Variants in IL13RA1 observed in about 807,000 individuals in gnomAD.
IL13RA1 encodes the protein interleukin-13 receptor subunit alpha-1.
IL13RA1 carries 14 observed loss-of-function variants against 33.8 expected under a neutral mutation model. That is an observed-to-expected ratio of 0.41 (90% CI 0.27 to 0.65). IL13RA1 has a LOEUF of 0.65. Among genes scored for constraint, IL13RA1 ranks in the 30% least tolerant of loss-of-function variants. IL13RA1 has a pLI of 0.28. For synonymous variants in IL13RA1, 116 were observed against 115.7 expected (o/e 1.00, Z -0.02); for missense variants, 313 against 327.0 (o/e 0.96, Z 0.33).
the IL13RA1 span, among the ~76,000 whole-genome samples, chrX:118,802,736 GA>G: frequency 1.8e-5 from 2 of 111,861 alleles, no homozygotes; most frequent in African/African-American, 6.5e-5. Context: ...GAAAATGGGG[GA>G]AAAAACAGAA....
chrX:118,784,040 C>T (rs113252239), intron 10 of IL13RA1, among the ~76,000 whole-genome samples: 11 of 89,584 alleles, frequency 1.2e-4, no homozygotes, highest in African/African-American at 4.3e-4. Context: ...TGAGCCACTG[C>T]ACTCCAGCCT....
At chrX:118,738,730 A>G (rs2017310186) in intron 1 of IL13RA1, among the ~76,000 whole-genome samples, 1 of 104,816 alleles carries the variant, frequency 9.5e-6, no homozygotes, top group South Asian at 4.3e-4. Flanking sequence ...TCCTTTGGGT[A>G]TATATCAAGT....
At chrX:118,798,281 T>C (rs190495185), downstream of IL13RA1, among the ~76,000 whole-genome samples, 33 of 107,238 alleles carry the variant, frequency 3.1e-4, no homozygotes, top group Non-Finnish European at 5.7e-4. Flanking sequence ...ACTGTACCAT[T>C]AATTATATTT....
chrX:118,761,022 G>A, intron 5 of IL13RA1, 116 bp from the exon 6 acceptor site: 7 of 417,262 alleles, frequency 1.7e-5, no homozygotes, highest in Non-Finnish European at 2.1e-5. Context: ...AATATTTTCA[G>A]TTCATGGTTG....
chrX:118,803,687 A>C, the IL13RA1 span, among the ~76,000 whole-genome samples: 1 of 111,304 alleles, frequency 9.0e-6, no homozygotes, highest in African/African-American at 3.3e-5. Flanking sequence ...CAGGGGTGAG[A>C]ATTTGGGAAC....
chrX:118,734,346 A>G (rs189681891), intron 1 of IL13RA1, among the ~76,000 whole-genome samples: 1 of 111,886 alleles, frequency 8.9e-6, no homozygotes, highest in East Asian at 2.8e-4. Context: ...TGCTCTGGGT[A>G]GAACTTCAAG....
chrX:118,761,521 A>C, intron 6 of IL13RA1: 1 of 251,966 alleles, frequency 4.0e-6, no homozygotes, highest in South Asian at 1.5e-4. Flanking sequence ...AGAAAGGCCT[A>C]TTAAACGATA....
chrX:118,760,099 G>A (rs915074479), intron 5 of IL13RA1, among the ~76,000 whole-genome samples: 9 of 112,150 alleles, frequency 8.0e-5, no homozygotes, highest in Non-Finnish European at 1.5e-4. Flanking sequence ...AACATTTTAA[G>A]TGTACAGTTC....
chrX:118,746,009 T>G (rs1384455385), intron 2 of IL13RA1, among the ~76,000 whole-genome samples: 2 of 111,997 alleles, frequency 1.8e-5, no homozygotes, highest in Non-Finnish European at 3.8e-5. Flanking sequence ...TGTTTGAAAT[T>G]TATACATATA....
chrX:118,741,166 C>T lies in IL13RA1; in HGVS notation c.228+10C>T, dbSNP rs370289151. ...CGACAAACAAGATAAGGTAAGTTTT[C>T]TGCAACATGTTACATTGATGAGGTA... On this transcript the variant is annotated intron_variant, in intron 2 of 10. Coordinates refer to ENST00000371666, the MANE Select transcript of IL13RA1 (RefSeq NM_001560.3). 102 of 1,104,300 alleles carry T rather than the reference C, an allele frequency of 9.2e-5. No homozygotes were observed. The highest frequency in any genetic ancestry group is 4.8e-4 in the Middle Eastern group (2 of 4,127). The allele number at this position is 1,104,300 out of a possible 1,213,427, so 91.0% of individuals were successfully genotyped here.
intron 1 of IL13RA1, among the ~76,000 whole-genome samples, chrX:118,736,196 T>G: frequency 8.9e-6 from 1 of 111,861 alleles, no homozygotes; most frequent in East Asian, 2.8e-4. Flanking sequence ...CTCCACATCT[T>G]CCTTTAGTTC....
At chrX:118,798,850 T>C (rs748515224), downstream of IL13RA1, among the ~76,000 whole-genome samples, 30 of 112,832 alleles carry the variant, frequency 2.7e-4, no homozygotes, top group East Asian at 8.5e-3. Context: ...GCTCCCACTT[T>C]GGCGGCACTT....
At chrX:118,774,858 TTTCAACATTTA>T (rs1221313007) in intron 9 of IL13RA1, among the ~76,000 whole-genome samples, 1 of 111,703 alleles carries the variant, frequency 9.0e-6, no homozygotes, top group Non-Finnish European at 1.9e-5. Flanking sequence ...TTTATCATTA[TTTCAACATTTA>T]TTCAACATAT....
At chrX:118,752,752 G>A (rs1380385877) in intron 4 of IL13RA1, among the ~76,000 whole-genome samples, 1 of 112,353 alleles carries the variant, frequency 8.9e-6, no homozygotes. Flanking sequence ...CAAAGCTAGA[G>A]AATATTCAGG....
chrX:118,776,509 C>A lies in IL13RA1; in HGVS notation c.1189C>A (p.Leu397Met). The A allele has an allele frequency of 1.7e-6, 1 of 592,689 alleles. No homozygotes were observed. Among genetic ancestry groups the A allele is most frequent in the Non-Finnish European group, 2.7e-6 (1 of 366,620 alleles). The allele number at this position is 592,689 out of a possible 1,213,427, so 48.8% of individuals were successfully genotyped here. The change falls in exon 10 of 11, where the codon CTG (leucine) becomes ATG (methionine). Residue 397 changes from leucine to methionine, a missense_variant and splice_region_variant. By Grantham distance (15) the Leu-to-Met change is conservative (BLOSUM62 2). Coordinates refer to ENST00000371666, the MANE Select transcript of IL13RA1 (RefSeq NM_001560.3). ...GTTTGGAGACCAGAATGATGATACT[C>A]TGGTAAGAACAGATTTCATGGGGCT... is the stretch of plus-strand genomic sequence containing the variant. ...EMFGDQNDDT[L>M]HWKKYDIYEK...
rs1450424487 is a variant in IL13RA1, at chrX:118,750,179, T to C, written c.488+401T>C. Among the ~76,000 whole-genome samples the C allele has an allele frequency of 9.9e-5, 11 of 111,358 alleles. No homozygotes were observed. In the Admixed American group the frequency reaches 1.1e-3, roughly 11 times the overall value. On this transcript the variant is annotated intron_variant, in intron 4 of 10. Transcript: ENST00000371666. ...TAGTTGTATGCAATTTTATCACATG[T>C]GAAGATATACAATGGTTGCATCACC...
At chrX:118,800,373 A>G in the IL13RA1 span, among the ~76,000 whole-genome samples, 2 of 110,353 alleles carry the variant, frequency 1.8e-5, no homozygotes, top group African/African-American at 3.3e-5. Context: ...CACTGCGAAG[A>G]CCTGCGGCTT....
intron 1 of IL13RA1, among the ~76,000 whole-genome samples, chrX:118,730,315 A>G (rs1416506975): frequency 8.9e-6 from 1 of 112,010 alleles, no homozygotes. Flanking sequence ...AAAGAAGCGA[A>G]TGATACTACA....
chrX:118,743,465 C>T (rs1167343097), intron 2 of IL13RA1, among the ~76,000 whole-genome samples: 1 of 111,190 alleles, frequency 9.0e-6, no homozygotes, highest in Non-Finnish European at 1.9e-5. Context: ...AGCCCTCCAC[C>T]ATTTTTTAGG....
Sources: gnomAD v4.1 joint callset for allele counts (sites outside exome capture counted in the v4.1 genomes callset) on GRCh38, gnomAD v4.1.1 for gene constraint, MANE v1.5 for transcripts, NCBI Gene and HGNC (gene_info 2026-07-23, HGNC 2026-07-21) for gene names.